The following MSL2 variants were observed in gnomAD, a reference collection of about 807,000 sequenced individuals.
The protein encoded by MSL2 is MSL complex subunit 2.
In MSL2, 2 loss-of-function variants were observed where a neutral mutation model predicts 35.8. The ratio of observed to expected loss-of-function variants is 0.06; its 90% CI spans 0.02 to 0.18. MSL2 has a LOEUF of 0.18. MSL2 is among the 10% of genes least tolerant of loss of function. MSL2 has a pLI of 1.00. For synonymous variants in MSL2, 296 were observed against 255.7 expected, an observed-to-expected ratio of 1.16 and a Z score of -1.50; for missense variants, 523 against 706.7, an observed-to-expected ratio of 0.74 and a Z score of 2.95.
At chr3:136,189,326 TAAG>T (rs1284057620) in intron 1 of MSL2, among the ~76,000 whole-genome samples, 2 of 143,748 alleles carry the variant, frequency 1.4e-5, no homozygotes, top group Non-Finnish European at 3.0e-5. Context: ...AAAAAAAAGT[TAAG>T]AAAATAGATC....
At chr3:136,188,619 C>A (rs2108094877) in intron 1 of MSL2, among the ~76,000 whole-genome samples, 1 of 149,802 alleles carries the variant, frequency 6.7e-6, no homozygotes, top group East Asian at 2.0e-4. Flanking sequence ...GCATTGATGG[C>A]GTATGCCTGT....
intron 1 of MSL2, among the ~76,000 whole-genome samples, chr3:136,192,512 A>T (rs1559975504): frequency 1.3e-5 from 2 of 152,138 alleles, no homozygotes; most frequent in Non-Finnish European, 2.9e-5. Flanking sequence ...TTCACCAAGG[A>T]GGCAGGGAGT....
Position 136,184,756 on chromosome 3 carries a change from G to A in MSL2, c.142+10216C>T, listed in dbSNP as rs1386582082. ...AAAGGTTAAAAAAAAAAAAAGGGGG[G>A]GGGGGGGACAAAGGTCACGTGTGAC... On this transcript the variant is annotated intron_variant, in intron 1 of 1. Coordinates refer to ENST00000309993, the MANE Select transcript of MSL2 (RefSeq NM_018133.4). Among the ~76,000 whole-genome samples the A allele has an allele frequency of 7.2e-5, 10 of 138,942 alleles. 1 individual carries two copies. The South Asian group carries it at 2.4e-3, about 33-fold the overall frequency. 91.2% of individuals were successfully genotyped at this position (138,942 alleles called of 152,430 possible).
At chr3:136,169,432 G>A (rs1259798749) in intron 1 of MSL2, among the ~76,000 whole-genome samples, 2 of 151,932 alleles carry the variant, frequency 1.3e-5, no homozygotes, top group Non-Finnish European at 2.9e-5. Flanking sequence ...CCTATTATTG[G>A]TTTTGGTGGG....
At chr3:136,190,295 G>A (rs191924772) in intron 1 of MSL2, among the ~76,000 whole-genome samples, 2 of 152,142 alleles carry the variant, frequency 1.3e-5, no homozygotes, top group East Asian at 1.9e-4. Flanking sequence ...TACAGCTACC[G>A]GGGCTCACAC....
At chr3:136,185,500 GAAT>G (rs1940493390) in intron 1 of MSL2, among the ~76,000 whole-genome samples, 1 of 132,858 alleles carries the variant, frequency 7.5e-6, no homozygotes, top group African/African-American at 2.7e-5. Flanking sequence ...GATGCTACCA[GAAT>G]AACTTGGGAC....
chr3:136,176,198 A>G (rs1940168572), intron 1 of MSL2, among the ~76,000 whole-genome samples: 1 of 152,152 alleles, frequency 6.6e-6, no homozygotes, highest in African/African-American at 2.4e-5. Flanking sequence ...GCATATTTTA[A>G]AGTCTAAACT....
intron 1 of MSL2, among the ~76,000 whole-genome samples, chr3:136,189,108 C>CAAAAA (rs372715974): frequency 3.4e-4 from 13 of 38,602 alleles, no homozygotes; most frequent in South Asian, 9.7e-4. Flanking sequence ...CCTGTCTCTA[C>CAAAAA]AAAAAAAAAA....
At chr3:136,190,267 T>C (rs1940650235) in intron 1 of MSL2, among the ~76,000 whole-genome samples, 1 of 152,016 alleles carries the variant, frequency 6.6e-6, no homozygotes, top group Non-Finnish European at 1.5e-5. Flanking sequence ...ACATCACAGG[T>C]GACCAATAAA....
chr3:136,194,052 G>A (rs1940764561), intron 1 of MSL2, among the ~76,000 whole-genome samples: 1 of 152,124 alleles, frequency 6.6e-6, no homozygotes, highest in African/African-American at 2.4e-5. Context: ...AATTTCCCAG[G>A]TTCTGACTAA....
At chr3:136,164,779 TGTGGA>T (rs1247813307) in intron 1 of MSL2, among the ~76,000 whole-genome samples, 1 of 152,172 alleles carries the variant, frequency 6.6e-6, no homozygotes, top group Admixed American at 6.5e-5. Context: ...CTATAAAAAC[TGTGGA>T]GTGTTTAAGG....
In MSL2 at chr3:136,150,026, C is replaced by G. The variant is rs943143548; in HGVS notation, c.*1121G>C. On this transcript the variant is annotated 3_prime_UTR_variant, in exon 2 of 2. Coordinates refer to ENST00000309993, the MANE Select transcript of MSL2 (RefSeq NM_018133.4). Reference sequence around the variant, plus strand: ...ACTTGTCTTCCCCATAAAAATTAACCGGAAGAAGTGCATTTAAACTGAAAC... The same window carrying G: ...ACTTGTCTTCCCCATAAAAATTAACGGGAAGAAGTGCATTTAAACTGAAAC... The G allele has an allele frequency of 6.6e-6, 1 of 152,624 alleles. No homozygotes were observed. The highest frequency in any genetic ancestry group is 2.1e-4 in the South Asian group (1 of 4,828). 9.5% of individuals were successfully genotyped at this position (152,624 alleles called of 1,614,324 possible). A position where few individuals can be genotyped will look rare whatever the true frequency, so the allele number is the denominator to read the frequency against.
intron 1 of MSL2, among the ~76,000 whole-genome samples, chr3:136,159,432 C>G (rs527945901): frequency 7.6e-6 from 1 of 132,246 alleles, no homozygotes; most frequent in Non-Finnish European, 1.5e-5. Flanking sequence ...GGTGCCATCT[C>G]GGCTCACTGC....
At chr3:136,177,034 T>C (rs1940198898) in intron 1 of MSL2, among the ~76,000 whole-genome samples, 1 of 152,174 alleles carries the variant, frequency 6.6e-6, no homozygotes, top group Non-Finnish European at 1.5e-5. Context: ...CCAAGTCTGT[T>C]TTTCTTCTTT....
Position 136,159,354 on chromosome 3 carries a change from CTTTTTTT to C in MSL2, c.143-6623_143-6617del, listed in dbSNP as rs71157361. ...TTCAATGGGGAAAGGAGAGTACTTT[CTTTTTTT>C]TTTTTTTTTTTTTTTTTTTTGAGAC... On this transcript the variant is annotated intron_variant, in intron 1 of 1. Transcript: ENST00000309993. Among the ~76,000 whole-genome samples the C allele has an allele frequency of 2.6e-4, 18 of 70,060 alleles. 1 individual carries two copies. The highest frequency in any genetic ancestry group is 4.4e-4 in the African/African-American group (8 of 18,014). The allele number at this position is 70,060 out of a possible 152,430, so 46.0% of individuals were successfully genotyped here.
At chr3:136,182,582 T>C (rs1230514415) in intron 1 of MSL2, among the ~76,000 whole-genome samples, 3 of 151,832 alleles carry the variant, frequency 2.0e-5, no homozygotes, top group African/African-American at 7.3e-5. Context: ...CTCCCCTGAA[T>C]TGAGAAGCCA....
At chr3:136,179,935 G>A (rs1259286349) in intron 1 of MSL2, among the ~76,000 whole-genome samples, 17 of 152,016 alleles carry the variant, frequency 1.1e-4, no homozygotes, top group South Asian at 1.0e-3. Context: ...GCGTGGTGGC[G>A]GGGGCCTGTA....
At chr3:136,165,122 C>T (rs1373435594) in intron 1 of MSL2, among the ~76,000 whole-genome samples, 1 of 151,652 alleles carries the variant, frequency 6.6e-6, no homozygotes, top group African/African-American at 2.4e-5. Context: ...GTGATCCGCC[C>T]GCCTTGGCCT....
At chr3:136,153,641 T>A (rs548095043) in intron 1 of MSL2, among the ~76,000 whole-genome samples, 24 of 148,778 alleles carry the variant, frequency 1.6e-4, no homozygotes, top group African/African-American at 5.2e-4. Context: ...TACAAAAAAA[T>A]TAACCGGGCA....
Sources: allele counts gnomAD v4.1 joint callset (sites outside exome capture counted in the v4.1 genomes callset), GRCh38; gene constraint gnomAD v4.1.1; transcripts MANE v1.5; gene names NCBI Gene and HGNC (gene_info 2026-07-23, HGNC 2026-07-21).